The following SUGCT variants were observed in gnomAD, a reference collection of about 807,000 sequenced individuals.
The protein encoded by SUGCT is succinyl-CoA:glutarate CoA-transferase.
SUGCT carries 41 observed loss-of-function variants against 55.0 expected under a neutral mutation model. That is an observed-to-expected ratio of 0.74 (90% CI 0.58 to 0.97). SUGCT has a LOEUF of 0.97. SUGCT is among the 50% of genes least tolerant of loss of function. The pLI, the probability that SUGCT is intolerant of heterozygous loss-of-function variation, is 0.00. For missense variants in SUGCT, 568 were observed against 547.8 expected (o/e 1.04, Z -0.37); for synonymous variants, 187 against 200.4 (o/e 0.93, Z 0.56).
At chr7:40,366,511 C>T (rs1018266710) in intron 9 of SUGCT, among the ~76,000 whole-genome samples, 3 of 152,220 alleles carry the variant, frequency 2.0e-5, no homozygotes, top group Admixed American at 6.5e-5. Context: ...TCTCAACCTA[C>T]TCATCTGACA....
intron 12 of SUGCT, among the ~76,000 whole-genome samples, chr7:40,552,497 C>T (rs975400193): frequency 6.6e-6 from 1 of 152,074 alleles, no homozygotes; most frequent in African/African-American, 2.4e-5. Context: ...GCGAGGACAG[C>T]TGGAATGGCT....
rs149671920 is a variant in SUGCT at position 40,220,902 on chromosome 7, GAAGTT to G, written c.485-16725_485-16721del. On this transcript the variant is annotated intron_variant, in intron 6 of 13. Transcript: ENST00000335693. ...CTATTAGCTTAGCTCAAACAATGAG[GAAGTT>G]AAGTTAATTGGTATGAAGCCACATT... Among the ~76,000 whole-genome samples, 809 of 152,224 alleles carry G rather than the reference GAAGTT, an allele frequency of 5.3e-3. 10 individuals carry two copies. The highest frequency in any genetic ancestry group is 0.018 in the African/African-American group (759 of 41,522).
chr7:40,997,975 G>A, the SUGCT span, among the ~76,000 whole-genome samples: 26 of 152,026 alleles, frequency 1.7e-4, 1 homozygote, highest in East Asian at 9.7e-4. Context: ...GCTACTCCTC[G>A]GAAATCTCTC....
chr7:40,431,636 T>A (rs1379886167), intron 9 of SUGCT, among the ~76,000 whole-genome samples: 1 of 152,170 alleles, frequency 6.6e-6, no homozygotes, highest in African/African-American at 2.4e-5. Context: ...ATTTTCAGTG[T>A]AGAGTTCTTT....
At chr7:40,187,884 G>C (rs1267031607) in intron 3 of SUGCT, among the ~76,000 whole-genome samples, 2 of 152,074 alleles carry the variant, frequency 1.3e-5, no homozygotes, top group African/African-American at 4.8e-5. Context: ...ATGCTTCTTG[G>C]CTGGGTGCGG....
chr7:40,812,719 T>A (rs1791486573), intron 13 of SUGCT, among the ~76,000 whole-genome samples: 1 of 152,078 alleles, frequency 6.6e-6, no homozygotes, highest in Non-Finnish European at 1.5e-5. Flanking sequence ...GTCTCAGTTT[T>A]GTTTGGTTCT....
At chr7:40,417,933 TTTATA>T (rs1476899195) in intron 9 of SUGCT, among the ~76,000 whole-genome samples, 16 of 151,966 alleles carry the variant, frequency 1.1e-4, no homozygotes, top group African/African-American at 3.4e-4. Context: ...TTATTTAACT[TTTATA>T]TTATATGTTA....
intron 12 of SUGCT, among the ~76,000 whole-genome samples, chr7:40,715,269 G>A (rs1478505905): frequency 6.6e-6 from 1 of 152,176 alleles, no homozygotes. Flanking sequence ...CACAGCAAAG[G>A]TATTGATGCG....
At chr7:40,799,205 G>C (rs1243964666) in intron 13 of SUGCT, among the ~76,000 whole-genome samples, 1 of 152,112 alleles carries the variant, frequency 6.6e-6, no homozygotes, top group Non-Finnish European at 1.5e-5. Flanking sequence ...GCACCAAGAG[G>C]CTCTTCAGTT....
At chr7:40,763,503 T>G (rs1275956566) in intron 13 of SUGCT, among the ~76,000 whole-genome samples, 1 of 152,178 alleles carries the variant, frequency 6.6e-6, no homozygotes, top group East Asian at 1.9e-4. Flanking sequence ...TTAGGCTTAG[T>G]TTATATGAAG....
chr7:40,598,696 A>C (rs1360489591), intron 12 of SUGCT, among the ~76,000 whole-genome samples: 1 of 152,210 alleles, frequency 6.6e-6, no homozygotes, highest in Non-Finnish European at 1.5e-5. Context: ...GATGTGAGCC[A>C]TAACTGTAGG....
intron 9 of SUGCT, among the ~76,000 whole-genome samples, chr7:40,410,374 G>A (rs1175833926): frequency 1.3e-5 from 2 of 152,044 alleles, no homozygotes; most frequent in Non-Finnish European, 1.5e-5. Context: ...GAAGGCAATA[G>A]GGAGACACTA....
chr7:40,343,727 G>A (rs896823904), intron 9 of SUGCT, among the ~76,000 whole-genome samples: 7 of 152,144 alleles, frequency 4.6e-5, no homozygotes, highest in Non-Finnish European at 8.8e-5. Flanking sequence ...CGCAATCTCG[G>A]CTCATTGCAA....
chr7:40,782,442 T>C (rs904174103), intron 13 of SUGCT: 3 of 152,208 alleles, frequency 2.0e-5, no homozygotes, highest in Admixed American at 6.5e-5. Context: ...TTTCTATTAT[T>C]ATCTGTGGTC....
intron 12 of SUGCT, among the ~76,000 whole-genome samples, chr7:40,652,560 A>T (rs995744952): frequency 6.6e-6 from 1 of 152,214 alleles, no homozygotes; most frequent in African/African-American, 2.4e-5. Context: ...AGACAGATGC[A>T]TCTCAGCCTA....
chr7:40,756,362 C>T (rs754146020), intron 13 of SUGCT, among the ~76,000 whole-genome samples: 2 of 152,148 alleles, frequency 1.3e-5, no homozygotes, highest in African/African-American at 2.4e-5. Context: ...GGACTGGCTA[C>T]CTGCAGAAGC....
intron 12 of SUGCT, among the ~76,000 whole-genome samples, chr7:40,606,147 T>C (rs1256270149): frequency 1.3e-5 from 2 of 152,062 alleles, no homozygotes; most frequent in Non-Finnish European, 2.9e-5. Flanking sequence ...CTACCTTCTG[T>C]TGGAGCAGAA....
At chr7:40,736,343 T>C (rs1335291157) in intron 12 of SUGCT, among the ~76,000 whole-genome samples, 1 of 148,576 alleles carries the variant, frequency 6.7e-6, no homozygotes, top group Admixed American at 6.8e-5. Context: ...TTTATGTGTA[T>C]ATATAAATGT....
At chr7:40,322,371 G>C (rs1196117654) in intron 9 of SUGCT, among the ~76,000 whole-genome samples, 1 of 152,142 alleles carries the variant, frequency 6.6e-6, no homozygotes, top group African/African-American at 2.4e-5. Flanking sequence ...TGTGCCCACA[G>C]ATCTTTGGGT....
Sources: gnomAD v4.1 joint callset for allele counts (sites outside exome capture counted in the v4.1 genomes callset) on GRCh38, gnomAD v4.1.1 for gene constraint, MANE v1.5 for transcripts, NCBI Gene and HGNC (gene_info 2026-07-23, HGNC 2026-07-21) for gene names.